The following BTBD7 variants were observed in gnomAD, a reference collection of about 807,000 sequenced individuals.
BTBD7 encodes the protein BTB domain containing 7.
In BTBD7, 38 loss-of-function variants were observed where a neutral mutation model predicts 99.9. The ratio of observed to expected loss-of-function variants is 0.38; its 90% CI spans 0.29 to 0.50. The LOEUF (loss-of-function observed/expected upper bound fraction) is 0.50. BTBD7 is among the 20% of genes least tolerant of loss of function. BTBD7 has a pLI of 0.93. For synonymous variants in BTBD7, 520 were observed against 511.4 expected, an observed-to-expected ratio of 1.02 and a Z score of -0.23; for missense variants, 1,170 against 1,394.6, an observed-to-expected ratio of 0.84 and a Z score of 2.57.
chr14:93,254,992 A>G (rs1300744493), intron 6 of BTBD7, among the ~76,000 whole-genome samples: 1 of 152,206 alleles, frequency 6.6e-6, no homozygotes, highest in Non-Finnish European at 1.5e-5. Flanking sequence ...TGTTTCTCCA[A>G]TATTACTCTC....
chr14:93,250,984 T>TAA (rs140842609), intron 8 of BTBD7, among the ~76,000 whole-genome samples: 1 of 151,742 alleles, frequency 6.6e-6, no homozygotes, highest in Admixed American at 6.6e-5. Flanking sequence ...CCTATAGTGA[T>TAA]AAAAAAAAAT....
At chr14:93,256,919 C>T (rs1220449476) in intron 6 of BTBD7, 1 of 368,330 alleles carries the variant, frequency 2.7e-6, no homozygotes. Context: ...TCTACTTGAT[C>T]TACACTTAAA....
intron 1 of BTBD7, among the ~76,000 whole-genome samples, chr14:93,330,951 C>A (rs551879071): frequency 6.6e-6 from 1 of 152,276 alleles, no homozygotes; most frequent in Non-Finnish European, 1.5e-5. Context: ...CAAAACAATA[C>A]AGTAGTCAGG....
Position 93,253,665 on chromosome 14 carries a change from G to C in BTBD7, c.1734C>G (p.Pro578=). Residue 578 remains proline (P), a synonymous_variant, in exon 7 of 11, where the codon CCC becomes CCG. Transcript: ENST00000334746. ...TCATTACCTTTGCTTCTTCCACATA[G>C]GGAGAGAAGAGTCGAGGACGAACAT... The part of the protein sequence containing the change: ...GIYVRPRLFS[P]YVEEAKSVLD... The C allele has an allele frequency of 6.2e-7, 1 of 1,610,022 alleles. No individual in the cohort carries two copies. The highest frequency in any genetic ancestry group is 1.7e-5 in the Admixed American group (1 of 59,962).
intron 2 of BTBD7, among the ~76,000 whole-genome samples, chr14:93,295,202 G>A (rs915892312): frequency 2.0e-4 from 30 of 152,254 alleles, no homozygotes; most frequent in African/African-American, 7.0e-4. Context: ...TCAAACTCCT[G>A]GGCTCAAGGG....
intron 1 of BTBD7, among the ~76,000 whole-genome samples, chr14:93,321,275 A>G (rs1271712269): frequency 6.6e-6 from 1 of 152,208 alleles, no homozygotes; most frequent in East Asian, 1.9e-4. Flanking sequence ...ACAATGAACA[A>G]GACAGGCATA....
At position 93,251,640 on chromosome 14, in the gene BTBD7, C is replaced by T; in HGVS notation, c.1765G>A (p.Glu589Lys). The T allele has an allele frequency of 6.3e-7, 1 of 1,596,668 alleles. No individual in the cohort carries two copies. The highest frequency in any genetic ancestry group is 8.6e-7 in the Non-Finnish European group (1 of 1,167,802). The change falls in exon 8 of 11, where the codon GAG (glutamate) becomes AAG (lysine). Residue 589 changes from glutamate to lysine, a missense_variant. By Grantham distance (56) the Glu-to-Lys change is moderately conservative (BLOSUM62 1). Around this residue, in one of 4 missense-constraint regions of BTBD7, gnomAD observed 309 missense variants for 342.0 expected, o/e 0.90. Transcript: ENST00000334746. Reference sequence around the variant, plus strand: ...AGATCCGTTTGTTCCACCATCATCTCATCTAGCACTGACTGAAATAATCAT... The same window carrying T: ...AGATCCGTTTGTTCCACCATCATCTTATCTAGCACTGACTGAAATAATCAT... ...YVEEAKSVLD[E>K]MMVEQTDLVR...
intron 3 of BTBD7, among the ~76,000 whole-genome samples, chr14:93,271,547 G>C (rs571657134): frequency 6.6e-6 from 1 of 152,300 alleles, no homozygotes; most frequent in South Asian, 2.1e-4. Context: ...GAGAAAAGTT[G>C]CTTCAATTCT....
rs565194914 is a variant in BTBD7, at chr14:93,242,422, C to T, written c.3250G>A (p.Glu1084Lys). ...GCCAGTCTTCTACCGGATCTCTCTT[C>T]GGGAGCTTCAGAGCTACATGCAGAA... ...SLSACSSEAP[E>K]ERSGRRLADS... is the part of the protein sequence containing the mutation. The change falls in exon 11 of 11, where the codon GAA becomes AAA. Residue 1084 changes from glutamate (E) to lysine (K), a missense_variant. Glu to Lys is a moderately conservative substitution (Grantham distance 56, BLOSUM62 1). This residue lies in a region of BTBD7 where 495 missense variants were observed against 525.9 expected (regional missense o/e 0.94). Coordinates refer to ENST00000334746, the MANE Select transcript of BTBD7 (RefSeq NM_001002860.4). The T allele has an allele frequency of 2.8e-5, 45 of 1,614,198 alleles. No homozygotes were observed. The highest frequency in any genetic ancestry group is 6.7e-5 in the East Asian group (3 of 44,878).
chr14:93,306,123 T>C (rs1300715839), intron 1 of BTBD7, among the ~76,000 whole-genome samples: 2 of 152,184 alleles, frequency 1.3e-5, no homozygotes, highest in African/African-American at 2.4e-5. Context: ...GTCCTTATCA[T>C]AGAAGACATA....
At chr14:93,290,987 G>GTTT (rs34246296) in intron 3 of BTBD7, among the ~76,000 whole-genome samples, 1,532 of 76,726 alleles carry the variant, frequency 0.02, 45 homozygotes, top group East Asian at 0.03. Context: ...GCTAGGCCTA[G>GTTT]TTTTTTTTTT....
intron 3 of BTBD7, among the ~76,000 whole-genome samples, chr14:93,286,026 G>A (rs2052773178): frequency 6.6e-6 from 1 of 152,242 alleles, no homozygotes; most frequent in African/African-American, 2.4e-5. Flanking sequence ...AGTTGCCTGG[G>A]ACCCTGGCCA....
At chr14:93,306,614 A>G (rs1049197683) in intron 1 of BTBD7, among the ~76,000 whole-genome samples, 2 of 152,168 alleles carry the variant, frequency 1.3e-5, no homozygotes, top group African/African-American at 4.8e-5. Context: ...TTAAATGAGG[A>G]TATTATTTAC....
At chr14:93,244,222 G>C in intron 10 of BTBD7, 1 of 343,910 alleles carries the variant, frequency 2.9e-6, no homozygotes, top group South Asian at 2.6e-5. Context: ...TGAGTGCGCT[G>C]AGCTCAACTG....
chr14:93,290,447 C>T lies in BTBD7; in HGVS notation c.1162+3411G>A, dbSNP rs185836222. Among the ~76,000 whole-genome samples, 615 of 147,572 alleles carry T rather than the reference C, an allele frequency of 4.2e-3. 3 individuals are homozygous for T. The highest frequency in any genetic ancestry group is 0.014 in the African/African-American group (578 of 40,136). The stretch of plus-strand genomic sequence containing the variant: ...CAGGATGGTCTCGATCTCCTGACCT[C>T]GTGATCTGCCTGCCCCGGCCTCCCA... On this transcript the variant is annotated intron_variant, in intron 3 of 10. Coordinates refer to ENST00000334746, the MANE Select transcript of BTBD7 (RefSeq NM_001002860.4).
chr14:93,301,458 G>A (rs1032922577), intron 1 of BTBD7, among the ~76,000 whole-genome samples: 8 of 152,036 alleles, frequency 5.3e-5, no homozygotes, highest in Non-Finnish European at 8.8e-5. Flanking sequence ...CCCAAATGCT[G>A]GGATTACAGG....
intron 3 of BTBD7, among the ~76,000 whole-genome samples, chr14:93,282,127 T>C (rs1432978431): frequency 1.3e-5 from 2 of 152,210 alleles, no homozygotes; most frequent in African/African-American, 2.4e-5. Context: ...AGTTACCACA[T>C]AGGTTACTAT....
At chr14:93,276,894 T>A (rs982784126) in intron 3 of BTBD7, among the ~76,000 whole-genome samples, 418 of 9,534 alleles carry the variant, frequency 0.044, 3 homozygotes, top group African/African-American at 0.28. Flanking sequence ...ACAGATTAAT[T>A]TTTTTTTTTT....
chr14:93,253,186 A>G (rs551242584), intron 7 of BTBD7, among the ~76,000 whole-genome samples: 52 of 152,294 alleles, frequency 3.4e-4, no homozygotes, highest in African/African-American at 1.2e-3. Flanking sequence ...ATTTTTTCTT[A>G]GTTTGTGCAT....
Sources: allele counts gnomAD v4.1 joint callset (sites outside exome capture counted in the v4.1 genomes callset), GRCh38; gene constraint gnomAD v4.1.1; regional missense constraint gnomAD v4.1.1; transcripts MANE v1.5; gene names NCBI Gene and HGNC (gene_info 2026-07-23, HGNC 2026-07-21).